The following HEATR4 variants were observed in gnomAD, a reference collection of about 807,000 sequenced individuals.
HEATR4 encodes HEAT repeat containing 4, also known as HEAT repeat-containing protein 4.
Under a neutral mutation model 108.8 loss-of-function variants are expected in HEATR4, and 95 were observed. The observed-to-expected ratio is 0.87, with a 90% CI of 0.74 to 1.04. The LOEUF is 1.04. Ranked by LOEUF, HEATR4 falls within the 50% of genes least tolerant of loss-of-function variation. HEATR4 has a pLI of 0.00. For synonymous variants in HEATR4, 443 were observed against 459.4 expected (o/e 0.96, Z 0.46); for missense variants, 1,152 against 1,253.8 (o/e 0.92, Z 1.23).
chr14:73,618,906 G>A, the HEATR4 span, among the ~76,000 whole-genome samples: 5 of 152,126 alleles, frequency 3.3e-5, no homozygotes, highest in South Asian at 2.1e-4. Context: ...CAAGGCAGGC[G>A]GATCACTTGA....
chr14:73,594,255 CAAGAACA>C, the HEATR4 span, among the ~76,000 whole-genome samples: 1 of 152,100 alleles, frequency 6.6e-6, no homozygotes, highest in Non-Finnish European at 1.5e-5. Flanking sequence ...TTTCAGAAGC[CAAGAACA>C]AACTTACTTA....
chr14:73,552,257 C>T (rs530202734), intron 1 of HEATR4, among the ~76,000 whole-genome samples: 1 of 99,882 alleles, frequency 1.0e-5, no homozygotes, highest in South Asian at 3.0e-4. Flanking sequence ...AGACACCTTC[C>T]ACTGGTAACA....
the HEATR4 span, among the ~76,000 whole-genome samples, chr14:73,587,478 G>A: frequency 6.6e-6 from 1 of 151,796 alleles, no homozygotes; most frequent in Admixed American, 6.6e-5. Flanking sequence ...TTAGTCTCCC[G>A]GGACATTGCT....
At position 73,557,104 on chromosome 14, in the gene HEATR4, A is replaced by T; in HGVS notation, c.-152+1647T>A. Among the ~76,000 whole-genome samples the T allele has an allele frequency of 1.8e-5, 2 of 113,566 alleles. 1 individual carries two copies. Among genetic ancestry groups the T allele is most frequent in the Non-Finnish European group, 3.9e-5 (2 of 51,912 alleles). 74.5% of individuals were successfully genotyped at this position (113,566 alleles called of 152,430 possible). On this transcript the variant is annotated intron_variant, in intron 1 of 17. Transcript: ENST00000553558. ...TGTACATAGACAGCATAAAAAATTGACTAAGTCAATCCTGGCATAACTGCA... is the reference window on the plus strand; with the variant it reads ...TGTACATAGACAGCATAAAAAATTGTCTAAGTCAATCCTGGCATAACTGCA...
upstream of HEATR4, among the ~76,000 whole-genome samples, chr14:73,561,908 C>T (rs2140325049): frequency 1.3e-5 from 2 of 152,142 alleles, no homozygotes; most frequent in South Asian, 4.2e-4. Flanking sequence ...TTGCTTGCAC[C>T]TGGGTGTTGA....
chr14:73,496,109 G>A (rs570333886), intron 15 of HEATR4, among the ~76,000 whole-genome samples: 2 of 151,936 alleles, frequency 1.3e-5, no homozygotes, highest in African/African-American at 2.4e-5. Context: ...CAGCCTGGGC[G>A]ACAGAGCGAG....
the HEATR4 span, among the ~76,000 whole-genome samples, chr14:73,572,327 A>C: frequency 6.6e-6 from 1 of 151,846 alleles, no homozygotes; most frequent in Non-Finnish European, 1.5e-5. Context: ...ACATCTATCA[A>C]GATATACAAA....
chr14:73,595,436 C>T, the HEATR4 span: 35 of 1,614,086 alleles, frequency 2.2e-5, no homozygotes, highest in Non-Finnish European at 2.8e-5. Context: ...AAAGGAAAAA[C>T]CCCAGATCAT....
chr14:73,498,115 A>C, intron 14 of HEATR4, 40 bp downstream of exon 14: 1 of 1,541,160 alleles, frequency 6.5e-7, no homozygotes, highest in Non-Finnish European at 8.9e-7. Flanking sequence ...GAGAGTTGGC[A>C]GTATAAGGTC....
chr14:73,487,387 G>A (rs1288317859), intron 17 of HEATR4, among the ~76,000 whole-genome samples: 1 of 151,888 alleles, frequency 6.6e-6, no homozygotes, highest in East Asian at 1.9e-4. Context: ...GCCAACATGG[G>A]AAACCCCATC....
the HEATR4 span, among the ~76,000 whole-genome samples, chr14:73,590,056 A>G: frequency 6.6e-6 from 1 of 152,132 alleles, no homozygotes; most frequent in Non-Finnish European, 1.5e-5. Context: ...TTTATTACAA[A>G]ACTAAATAGA....
chr14:73,620,784 T>C, the HEATR4 span, among the ~76,000 whole-genome samples: 1 of 150,870 alleles, frequency 6.6e-6, no homozygotes, highest in African/African-American at 2.4e-5. Flanking sequence ...GCCAGGCTAG[T>C]CTCAAACTCC....
At chr14:73,620,036 CGAGT>C in the HEATR4 span, 2 of 547,366 alleles carry the variant, frequency 3.7e-6, no homozygotes, top group Non-Finnish European at 6.1e-6. Flanking sequence ...CTCAGACTCC[CGAGT>C]ATCTGGGATT....
the HEATR4 span, among the ~76,000 whole-genome samples, chr14:73,612,107 T>C: frequency 6.6e-6 from 1 of 151,880 alleles, no homozygotes; most frequent in South Asian, 2.1e-4. Context: ...AATGGTGCAA[T>C]CTTGGCTCAA....
chr14:73,518,858 T>A (rs1233054013), intron 5 of HEATR4, among the ~76,000 whole-genome samples, 165 bp downstream of exon 5: 2 of 152,216 alleles, frequency 1.3e-5, no homozygotes, highest in African/African-American at 4.8e-5. Context: ...TAGTATTTTA[T>A]AATTTTGTGA....
chr14:73,585,196 G>A, the HEATR4 span, among the ~76,000 whole-genome samples: 20 of 152,150 alleles, frequency 1.3e-4, no homozygotes, highest in East Asian at 3.1e-3. Flanking sequence ...CTCACGACCT[G>A]GCCACCTTGT....
intron 1 of HEATR4, among the ~76,000 whole-genome samples, chr14:73,540,742 CTTTTTTTT>C (rs200357086): frequency 7.4e-5 from 6 of 81,214 alleles, no homozygotes; most frequent in Admixed American, 1.5e-4. Context: ...TGTTTGCATT[CTTTTTTTT>C]TTTTTTTTTT....
the HEATR4 span, among the ~76,000 whole-genome samples, chr14:73,599,719 CA>C: frequency 6.6e-6 from 1 of 152,184 alleles, no homozygotes; most frequent in South Asian, 2.1e-4. Flanking sequence ...CTCTATTGAA[CA>C]AGGCAGTCAA....
At chr14:73,536,381 G>A (rs1268080175) in intron 1 of HEATR4, among the ~76,000 whole-genome samples, 2 of 110,974 alleles carry the variant, frequency 1.8e-5, no homozygotes, top group African/African-American at 5.9e-5. Context: ...GGGGAGCGCC[G>A]GTAGTCCCTT....
Sources: gnomAD v4.1 joint callset for allele counts (sites outside exome capture counted in the v4.1 genomes callset) on GRCh38, gnomAD v4.1.1 for gene constraint, MANE v1.5 for transcripts, NCBI Gene and HGNC (gene_info 2026-07-23, HGNC 2026-07-21) for gene names.